Variants in FNBP1 observed in about 807,000 individuals in gnomAD.
FNBP1 encodes the protein formin binding protein 1.
FNBP1 carries 26 observed loss-of-function variants against 90.6 expected under a neutral mutation model. The observed-to-expected ratio is 0.29, with a 90% CI of 0.21 to 0.40. FNBP1 has a LOEUF of 0.40. Among genes scored for constraint, FNBP1 ranks in the 10% least tolerant of loss-of-function variants. FNBP1 has a pLI of 1.00. For missense variants in FNBP1, 635 were observed against 768.0 expected (o/e 0.83, Z 2.05); for synonymous variants, 260 against 265.2 (o/e 0.98, Z 0.19).
chr9:129,977,362 C>T (rs1283062808), intron 4 of FNBP1, among the ~76,000 whole-genome samples: 1 of 151,734 alleles, frequency 6.6e-6, no homozygotes, highest in Non-Finnish European at 1.5e-5. Context: ...TATGAAAAGA[C>T]GATAATGGTG....
At chr9:129,993,382 A>G (rs1219522381) in intron 2 of FNBP1, among the ~76,000 whole-genome samples, 1 of 151,740 alleles carries the variant, frequency 6.6e-6, no homozygotes. Context: ...TTCAAGTTCA[A>G]GCTTAGTTCT....
chr9:129,935,490 CTTTT>C, intron 6 of FNBP1, among the ~76,000 whole-genome samples: 1 of 150,340 alleles, frequency 6.7e-6, no homozygotes, highest in South Asian at 2.1e-4. Context: ...CTTTTCTTTT[CTTTT>C]CTTTTTCTAT....
chr9:129,943,354 C>T (rs912392439), intron 6 of FNBP1, among the ~76,000 whole-genome samples: 25 of 147,532 alleles, frequency 1.7e-4, no homozygotes, highest in African/African-American at 5.5e-4. Context: ...CTTTATCTCA[C>T]TGGCAAGTAT....
chr9:130,006,475 C>T (rs2055717114), intron 1 of FNBP1, among the ~76,000 whole-genome samples: 1 of 149,538 alleles, frequency 6.7e-6, no homozygotes. Context: ...AGCCTGGTGA[C>T]AGAGTGATAC....
At chr9:129,915,897 T>C (rs1463198218) in intron 11 of FNBP1, 69 bp downstream of exon 11, 2 of 1,083,870 alleles carry the variant, frequency 1.8e-6, no homozygotes, top group East Asian at 2.4e-5. Flanking sequence ...GTGCATGGCA[T>C]AGCATTCATA....
At chr9:129,918,636 ATTTG>A (rs1408424841) in intron 10 of FNBP1, among the ~76,000 whole-genome samples, 3 of 152,154 alleles carry the variant, frequency 2.0e-5, no homozygotes, top group Non-Finnish European at 4.4e-5. Flanking sequence ...CGCTTCCTTG[ATTTG>A]TTTGTTTGTT....
rs76513383 is a variant in FNBP1, at chr9:130,037,594, G to C, written c.24+5358C>G. On this transcript the variant is annotated intron_variant, in intron 1 of 16. Coordinates refer to ENST00000446176, the MANE Select transcript of FNBP1 (RefSeq NM_015033.3). ...TATGTACACATATCATGCCTAAGTA[G>C]AATGAACAACAGAGAAGGGATAATT... Among the ~76,000 whole-genome samples the C allele has an allele frequency of 7.2e-3, 1,097 of 152,202 alleles. 90 individuals are homozygous for C. In the East Asian group the frequency reaches 0.18, roughly 25 times the overall value.
chr9:129,967,785 C>G (rs2048839085), intron 4 of FNBP1, among the ~76,000 whole-genome samples: 1 of 152,146 alleles, frequency 6.6e-6, no homozygotes, highest in South Asian at 2.1e-4. Context: ...AATCCAAGAT[C>G]ACATTTCAAG....
chr9:129,974,194 T>C (rs1274902800), intron 4 of FNBP1, among the ~76,000 whole-genome samples: 1 of 151,848 alleles, frequency 6.6e-6, no homozygotes, highest in African/African-American at 2.4e-5. Flanking sequence ...CTTGAAGGTA[T>C]GTCGAAAAAA....
intron 6 of FNBP1, among the ~76,000 whole-genome samples, chr9:129,941,635 T>A (rs1260876225): frequency 1.3e-5 from 2 of 152,080 alleles, no homozygotes; most frequent in Non-Finnish European, 2.9e-5. Flanking sequence ...CCAGGTGACT[T>A]TTCATTTTTT....
At chr9:130,032,566 C>G (rs2058899741) in intron 1 of FNBP1, among the ~76,000 whole-genome samples, 2 of 152,156 alleles carry the variant, frequency 1.3e-5, no homozygotes, top group Admixed American at 6.5e-5. Flanking sequence ...CTTGCCCAAA[C>G]ATTTCCAGAA....
intron 2 of FNBP1, among the ~76,000 whole-genome samples, chr9:129,981,763 C>G (rs1450725980): frequency 6.6e-6 from 1 of 152,048 alleles, no homozygotes; most frequent in Non-Finnish European, 1.5e-5. Flanking sequence ...AGGGGTTGGA[C>G]GACATGACCT....
Position 129,959,156 on chromosome 9 carries a change from G to A in FNBP1, c.346-603C>T, listed in dbSNP as rs148866969. Among the ~76,000 whole-genome samples the A allele has an allele frequency of 2.0e-5, 3 of 151,922 alleles. No homozygotes were observed. The East Asian group carries it at 5.8e-4, about 29-fold the overall frequency. On this transcript the variant is annotated intron_variant, in intron 4 of 16. Transcript: ENST00000446176. ...TGTATAAAATTTGAAGACAGGCCAGGCATGGTGGTGAGCACACCTGTAGTC... is the reference window on the plus strand; with the variant it reads ...TGTATAAAATTTGAAGACAGGCCAGACATGGTGGTGAGCACACCTGTAGTC...
intron 1 of FNBP1, among the ~76,000 whole-genome samples, chr9:130,028,592 A>T (rs1016233692): frequency 3.3e-5 from 5 of 152,164 alleles, no homozygotes; most frequent in African/African-American, 9.7e-5. Context: ...TGTTATAACA[A>T]TTTGCAAACC....
intron 4 of FNBP1, among the ~76,000 whole-genome samples, chr9:129,962,678 C>G (rs961437771): frequency 2.6e-5 from 4 of 152,184 alleles, no homozygotes. Flanking sequence ...ATCTATCCAG[C>G]AATTTTTTGG....
At chr9:129,896,107 T>C (rs1588342054) in intron 15 of FNBP1, 111 bp from the exon 16 acceptor site, 1 of 1,143,270 alleles carries the variant, frequency 8.7e-7, no homozygotes, top group East Asian at 2.4e-5. Flanking sequence ...CCACACAAAA[T>C]TCACCCCACT....
chr9:129,900,897 A>T lies in FNBP1; in HGVS notation c.1429-350T>A, dbSNP rs1382749394. 1.3e-5 allele frequency among the ~76,000 whole-genome samples: 2 copies of T among 152,252 alleles called. No homozygotes were observed. The highest frequency in any genetic ancestry group is 2.9e-5 in the Non-Finnish European group (2 of 68,048). On this transcript the variant is annotated intron_variant, in intron 13 of 16. Transcript: ENST00000446176. The surrounding 1 kb of genome is among the most constrained non-coding windows in gnomAD (Gnocchi z 4.1). ...CTTTTAAGCAGCAGTGCAGTCTTGGATAAGTCACTTCTAGTTCCTTCTTGA... is the reference window on the plus strand; with the variant it reads ...CTTTTAAGCAGCAGTGCAGTCTTGGTTAAGTCACTTCTAGTTCCTTCTTGA...
intron 1 of FNBP1, among the ~76,000 whole-genome samples, chr9:130,014,504 G>A (rs768367712): frequency 1.2e-4 from 18 of 152,022 alleles, no homozygotes; most frequent in South Asian, 2.1e-4. Context: ...CACCTGCCTC[G>A]GCCCCCCAAA....
At position 129,889,226 on chromosome 9, in the gene FNBP1, G is replaced by A. The variant is rs974926688; in HGVS notation, c.*1313C>T. 5 of 199,752 alleles carry A rather than the reference G, an allele frequency of 2.5e-5. No individual in the cohort carries two copies. The highest frequency in any genetic ancestry group is 6.0e-5 in the Admixed American group (1 of 16,560). 12.4% of individuals were successfully genotyped at this position (199,752 alleles called of 1,614,324 possible). On this transcript the variant is annotated 3_prime_UTR_variant, in exon 17 of 17. Coordinates refer to ENST00000446176, the MANE Select transcript of FNBP1 (RefSeq NM_015033.3). ...CGTGATAAAATACAAGGGTGGTGGC[G>A]GCGGGATCCCTCAAAGGACCACGAG...
Sources: gnomAD v4.1 joint callset for allele counts (sites outside exome capture counted in the v4.1 genomes callset) on GRCh38, gnomAD v4.1.1 for gene constraint, Gnocchi (gnomAD v3.1) non-coding constraint, MANE v1.5 for transcripts, NCBI Gene and HGNC (gene_info 2026-07-23, HGNC 2026-07-21) for gene names.